Variants in DARS2 observed in about 807,000 individuals in gnomAD.
DARS2 encodes aspartyl-tRNA synthetase 2, mitochondrial.
Under a neutral mutation model 83.0 loss-of-function variants are expected in DARS2, and 63 were observed. That is an observed-to-expected ratio of 0.76 (90% CI 0.62 to 0.94). DARS2 has a LOEUF of 0.94. Among genes scored for constraint, DARS2 ranks in the 40% least tolerant of loss-of-function variants. The pLI is 0.00. For synonymous variants in DARS2, 250 were observed against 269.3 expected (o/e 0.93, Z 0.70); for missense variants, 675 against 774.4 (o/e 0.87, Z 1.52).
intron 11 of DARS2, among the ~76,000 whole-genome samples, chr1:173,842,962 T>C (rs895490808): frequency 1.4e-5 from 2 of 147,364 alleles, no homozygotes; most frequent in East Asian, 4.0e-4. Flanking sequence ...AAAAAAGTAA[T>C]TTATTGTCCA....
At chr1:173,827,599 C>T (rs1652633267) in intron 2 of DARS2, among the ~76,000 whole-genome samples, 1 of 152,048 alleles carries the variant, frequency 6.6e-6, no homozygotes, top group Admixed American at 6.6e-5. Context: ...CCACTGCACT[C>T]CACTCTGGGC....
At chr1:173,842,824 G>A (rs1278471553) in intron 11 of DARS2, among the ~76,000 whole-genome samples, 5 of 150,832 alleles carry the variant, frequency 3.3e-5, no homozygotes, top group Non-Finnish European at 7.4e-5. Flanking sequence ...TGTAATCTCA[G>A]CTACCTGGGA....
rs1314050216 is a variant in DARS2 at position 173,858,011 on chromosome 1, A to C, written c.*306A>C. ...TTAGTGTTTTCAAATCATGTTTCTCATACCCAGATAGTAGATTATTCACTT... is the reference window on the plus strand; with the variant it reads ...TTAGTGTTTTCAAATCATGTTTCTCCTACCCAGATAGTAGATTATTCACTT... On this transcript the variant is annotated 3_prime_UTR_variant, in exon 17 of 17. Coordinates refer to ENST00000649689, the MANE Select transcript of DARS2 (RefSeq NM_018122.5). 1 of 379,310 alleles carries C rather than the reference A, an allele frequency of 2.6e-6. No individual in the cohort carries two copies. Among genetic ancestry groups the C allele is most frequent in the Non-Finnish European group, 5.0e-6 (1 of 198,452 alleles). The allele number at this position is 379,310 out of a possible 1,614,324, so 23.5% of individuals were successfully genotyped here.
intron 12 of DARS2, among the ~76,000 whole-genome samples, chr1:173,849,166 T>G (rs1653551362): frequency 6.6e-6 from 1 of 151,602 alleles, no homozygotes; most frequent in Non-Finnish European, 1.5e-5. Context: ...TTTTTTTTTT[T>G]TTAATGCTGC....
intron 10 of DARS2, 120 bp from the exon 11 acceptor site, chr1:173,840,746 G>A (rs1653172130): frequency 2.9e-6 from 2 of 686,536 alleles, no homozygotes; most frequent in South Asian, 3.3e-5. Context: ...CTCTTTGAAT[G>A]TATTCTATAA....
intron 7 of DARS2, among the ~76,000 whole-genome samples, chr1:173,835,136 T>C (rs1652956829): frequency 1.3e-5 from 2 of 151,312 alleles, no homozygotes; most frequent in African/African-American, 4.9e-5. Flanking sequence ...TTGTTTTTGT[T>C]TTTGTTTTTT....
At chr1:173,839,828 G>A (rs1653141820) in intron 10 of DARS2, among the ~76,000 whole-genome samples, 1 of 151,372 alleles carries the variant, frequency 6.6e-6, no homozygotes, top group East Asian at 1.9e-4. Context: ...ATGGTAACTT[G>A]AAAGAAAAAA....
intron 13 of DARS2, 77 bp from the exon 14 acceptor site, chr1:173,853,272 C>A (rs1421831287): frequency 4.9e-6 from 7 of 1,418,948 alleles, no homozygotes; most frequent in Non-Finnish European, 7.0e-6. Flanking sequence ...AATGGCCTGG[C>A]TTCGGAATCC....
chr1:173,853,756 G>A, intron 14 of DARS2, 39 bp from the exon 15 acceptor site: 2 of 1,582,746 alleles, frequency 1.3e-6, no homozygotes, highest in East Asian at 4.5e-5. Flanking sequence ...CAGAAAACCA[G>A]ACATTTTCTC....
At chr1:173,846,438 G>C (rs1233578892) in intron 12 of DARS2, among the ~76,000 whole-genome samples, 1 of 152,070 alleles carries the variant, frequency 6.6e-6, no homozygotes, top group Non-Finnish European at 1.5e-5. Context: ...GCTGCAGTGA[G>C]CTATGATTAT....
chr1:173,849,127 G>T (rs1421708393), intron 12 of DARS2, among the ~76,000 whole-genome samples: 5 of 147,782 alleles, frequency 3.4e-5, no homozygotes, highest in African/African-American at 1.2e-4. Context: ...GTTTTCTCTG[G>T]GGCTAATTTT....
intron 15 of DARS2, among the ~76,000 whole-genome samples, chr1:173,855,471 G>A (rs1369858003): frequency 1.3e-5 from 2 of 151,772 alleles, no homozygotes; most frequent in African/African-American, 4.8e-5. Context: ...GTGTTTGTTT[G>A]TTTGTTTGAT....
chr1:173,856,536 T>C (rs1231521385), intron 15 of DARS2, 130 bp from the exon 16 acceptor site: 5 of 761,140 alleles, frequency 6.6e-6, no homozygotes, highest in Non-Finnish European at 1.1e-5. Context: ...AATAAACTTT[T>C]ATTATTGGTT....
Position 173,830,687 on chromosome 1 carries a change from T to C in DARS2, c.322T>C (p.Cys108Arg). 1 of 1,614,066 alleles carries C rather than the reference T, an allele frequency of 6.2e-7. No individual in the cohort carries two copies. The highest frequency in any genetic ancestry group is 1.3e-5 in the African/African-American group (1 of 75,066). ...GGCAGCCTCTGTGAAGAAGATTTTA[T>C]GTGAAGCCCCTGTGGAATCTGTGGT... Reference protein sequence around the residue: ...ESAASVKKILCEAPVESVVQV... With the variant: ...ESAASVKKILREAPVESVVQV... The change falls in exon 4 of 17, where the codon TGT becomes CGT. Residue 108 changes from cysteine to arginine, a missense_variant. By Grantham distance (180) the Cys-to-Arg change is radical. Coordinates refer to ENST00000649689, the MANE Select transcript of DARS2 (RefSeq NM_018122.5).
At chr1:173,856,883 T>C in intron 16 of DARS2, 142 bp downstream of exon 16, 1 of 616,598 alleles carries the variant, frequency 1.6e-6, no homozygotes, top group East Asian at 2.8e-5. Flanking sequence ...ATTTCAGTAA[T>C]ATATTTTTTA....
At chr1:173,849,249 T>A (rs1489880637) in intron 12 of DARS2, among the ~76,000 whole-genome samples, 2 of 151,562 alleles carry the variant, frequency 1.3e-5, no homozygotes, top group Non-Finnish European at 2.9e-5. Context: ...AAAAGCTGGT[T>A]GGGGCCGGGT....
At chr1:173,835,071 C>T (rs1557856630) in intron 7 of DARS2, among the ~76,000 whole-genome samples, 1 of 151,518 alleles carries the variant, frequency 6.6e-6, no homozygotes, top group African/African-American at 2.4e-5. Context: ...TGTGAGCCAC[C>T]TTACTCAGTC....
chr1:173,841,866 C>T (rs1184771242), intron 11 of DARS2, among the ~76,000 whole-genome samples: 1 of 152,182 alleles, frequency 6.6e-6, no homozygotes, highest in African/African-American at 2.4e-5. Context: ...AATATGTGAG[C>T]ATAAAATAAT....
intron 7 of DARS2, among the ~76,000 whole-genome samples, chr1:173,836,275 C>T (rs994504390): frequency 2.0e-5 from 3 of 151,864 alleles, no homozygotes; most frequent in Non-Finnish European, 4.4e-5. Flanking sequence ...GGCGCAGTGG[C>T]TCACACCTGT....
Sources: gnomAD v4.1 joint callset for allele counts (sites outside exome capture counted in the v4.1 genomes callset) on GRCh38, gnomAD v4.1.1 for gene constraint, MANE v1.5 for transcripts, NCBI Gene and HGNC (gene_info 2026-07-23, HGNC 2026-07-21) for gene names.